The following SGSM3 variants were observed in gnomAD, a reference collection of about 807,000 sequenced individuals.
SGSM3 encodes small G protein signaling modulator 3.
A neutral mutation model predicts 100.5 loss-of-function variants in SGSM3; 96 were observed. The ratio of observed to expected loss-of-function variants is 0.96; its 90% CI spans 0.81 to 1.13. The LOEUF (loss-of-function observed/expected upper bound fraction) is 1.13, where lower values mean the gene tolerates loss of function less well. SGSM3 is among the 50% of genes most tolerant of loss of function. The pLI, the probability that SGSM3 is intolerant of heterozygous loss-of-function variation, is 0.00. For synonymous variants in SGSM3, 483 were observed against 422.8 expected, an observed-to-expected ratio of 1.14 and a Z score of -1.75; for missense variants, 1,001 against 1,015.8, an observed-to-expected ratio of 0.99 and a Z score of 0.20.
intron 1 of SGSM3, among the ~76,000 whole-genome samples, chr22:40,385,381 G>T (rs1364048786): frequency 6.6e-6 from 1 of 152,206 alleles, no homozygotes; most frequent in East Asian, 1.9e-4. Context: ...TTAATTCAGG[G>T]TTCAGGAGAT....
At chr22:40,400,646 A>AAAAAAT (rs1009414694) in intron 1 of SGSM3, 50 bp from the exon 2 acceptor site, 5 of 763,600 alleles carry the variant, frequency 6.5e-6, no homozygotes, top group East Asian at 3.0e-5. Context: ...TCTGTCTAAA[A>AAAAAAT]AAAAATAAAA....
intron 1 of SGSM3, among the ~76,000 whole-genome samples, chr22:40,396,154 A>G (rs1034212175): frequency 1.3e-5 from 2 of 152,118 alleles, no homozygotes; most frequent in Admixed American, 6.6e-5. Context: ...AGCCACATTA[A>G]TCTTTTTTTA....
intron 1 of SGSM3, among the ~76,000 whole-genome samples, chr22:40,381,236 C>G (rs2047520106): frequency 6.6e-6 from 1 of 151,974 alleles, no homozygotes; most frequent in Non-Finnish European, 1.5e-5. Flanking sequence ...CAACCTCCAC[C>G]TCCAGGGCTC....
intron 1 of SGSM3, chr22:40,387,290 A>G: frequency 2.5e-6 from 1 of 398,390 alleles, no homozygotes. Flanking sequence ...AATACTGTAT[A>G]TAGTGTAGTA....
rs1277590607 is a variant in SGSM3 at position 40,389,834 on chromosome 22, G to T, written c.-111-10862G>T. On this transcript the variant is annotated intron_variant, in intron 1 of 21. Coordinates refer to ENST00000248929, the MANE Select transcript of SGSM3 (RefSeq NM_015705.6). The stretch of plus-strand genomic sequence containing the variant: ...CAGGAGAATTGCCTGAACCTGGGAG[G>T]CGGAAGTTGCAGTGAGCCAGGATCG... Among the ~76,000 whole-genome samples, 10 of 150,966 alleles carry T rather than the reference G, an allele frequency of 6.6e-5. No individual in the cohort carries two copies. In the East Asian group the frequency reaches 1.9e-3, roughly 29 times the overall value.
Position 40,409,516 on chromosome 22 carries a change from G to C in SGSM3, c.2163G>C (p.Ala721=). The C allele has an allele frequency of 6.3e-7, 1 of 1,598,614 alleles. No individual in the cohort carries two copies. Among genetic ancestry groups the C allele is most frequent in the Non-Finnish European group, 8.5e-7 (1 of 1,172,624 alleles). The part of the protein sequence containing the change: ...FSLSQDWELP[A]KREAQQPLKE... ...TCTCCCAGGACTGGGAGCTCCCTGC[G>C]AAGAGAGAGGTGGGTGGTGTGGGCC... Residue 721 remains alanine (A), a synonymous_variant, in exon 21 of 22, where the codon GCG becomes GCC. Transcript: ENST00000248929.
At chr22:40,385,411 A>G (rs1447147204) in intron 1 of SGSM3, among the ~76,000 whole-genome samples, 1 of 152,222 alleles carries the variant, frequency 6.6e-6, no homozygotes, top group Non-Finnish European at 1.5e-5. Flanking sequence ...TGCAGTGGAC[A>G]CGAAGCCATT....
At chr22:40,386,025 G>GT (rs68008146) in intron 1 of SGSM3, among the ~76,000 whole-genome samples, 7,897 of 145,060 alleles carry the variant, frequency 0.054, 243 homozygotes, top group Non-Finnish European at 0.079. Flanking sequence ...CTAATTTTTT[G>GT]TTTTTTTTTT....
Position 40,407,943 on chromosome 22 carries a change from C to T in SGSM3, c.1579+100C>T, listed in dbSNP as rs766622074. 3 of 1,455,696 alleles carry T rather than the reference C, an allele frequency of 2.1e-6. No individual in the cohort carries two copies. Among genetic ancestry groups the T allele is most frequent in the African/African-American group, 1.4e-5 (1 of 71,524 alleles). 90.2% of individuals were successfully genotyped at this position (1,455,696 alleles called of 1,614,324 possible). A position where few individuals can be genotyped will look rare whatever the true frequency, so the allele number is the denominator to read the frequency against. ...CGCCACCAAGCTGTTCTCCTCTATACACCTGCCTGGCTTGAGGTCCCTGAA... is the reference window on the plus strand; with the variant it reads ...CGCCACCAAGCTGTTCTCCTCTATATACCTGCCTGGCTTGAGGTCCCTGAA... On this transcript the variant is annotated intron_variant, in intron 14 of 21. Transcript: ENST00000248929. This position sits in a 1 kb window ranked among gnomAD's most constrained non-coding sequence, Gnocchi z 4.7.
At chr22:40,402,103 G>C (rs2050832840) in intron 3 of SGSM3, 36 bp from the exon 4 acceptor site, 1 of 1,553,504 alleles carries the variant, frequency 6.4e-7, no homozygotes, top group South Asian at 1.1e-5. Flanking sequence ...CCAACTAGGG[G>C]ACAGGCAACT....
In SGSM3 at chr22:40,409,930, G is replaced by C. The variant is rs1021117604; in HGVS notation, c.*171G>C. On this transcript the variant is annotated 3_prime_UTR_variant, in exon 22 of 22. Coordinates refer to ENST00000248929, the MANE Select transcript of SGSM3 (RefSeq NM_015705.6). The stretch of plus-strand genomic sequence containing the variant: ...ACATCCCAGGTGGTGGGAGCAGAGG[G>C]TACCCTGCCCCACCAGGGTCCTTAG... The C allele has an allele frequency of 7.1e-7, 1 of 1,403,888 alleles. No homozygotes were observed. Among genetic ancestry groups the C allele is most frequent in the Non-Finnish European group, 9.2e-7 (1 of 1,085,562 alleles). 87.0% of individuals were successfully genotyped at this position (1,403,888 alleles called of 1,614,324 possible).
chr22:40,387,010 T>C (rs888815253), intron 1 of SGSM3, among the ~76,000 whole-genome samples: 1 of 152,168 alleles, frequency 6.6e-6, no homozygotes, highest in Non-Finnish European at 1.5e-5. Flanking sequence ...AGTCAAGATA[T>C]TTTGTTCCCG....
At chr22:40,385,122 G>A (rs977846380) in intron 1 of SGSM3, among the ~76,000 whole-genome samples, 1 of 152,222 alleles carries the variant, frequency 6.6e-6, no homozygotes, top group Non-Finnish European at 1.5e-5. Flanking sequence ...AGTCAGCAGA[G>A]TCTGATGCTT....
chr22:40,377,529 G>T (rs1395242169), intron 1 of SGSM3, among the ~76,000 whole-genome samples: 5 of 152,142 alleles, frequency 3.3e-5, no homozygotes, highest in Non-Finnish European at 7.4e-5. Context: ...ATGGCATGAG[G>T]TCATGTCATG....
At chr22:40,396,248 C>T (rs148327244) in intron 1 of SGSM3, among the ~76,000 whole-genome samples, 56 of 152,184 alleles carry the variant, frequency 3.7e-4, no homozygotes, top group African/African-American at 1.3e-3. Context: ...TCCTCTTCCC[C>T]TCCTCACAGA....
intron 1 of SGSM3, chr22:40,373,423 C>T (rs371102305): frequency 6.6e-6 from 1 of 152,222 alleles, no homozygotes; most frequent in Non-Finnish European, 1.5e-5. Flanking sequence ...CTTCTACCCT[C>T]AACTCTGTTG....
rs770878571 is a variant in SGSM3, at chr22:40,405,651, G to A, written c.621G>A (p.Val207=). The change falls in exon 8 of 22, where the codon GTG becomes GTA. Residue 207 remains valine, a splice_region_variant and synonymous_variant. Transcript: ENST00000248929. ...EIGYCQGTGM[V]AACLLLFLEE... ...CCTTGTCCCTGTGCCCTGGCCAGGT[G>A]GCCGCCTGCCTCCTGCTGTTCCTGG... 5.0e-6 allele frequency: 8 copies of A among 1,612,004 alleles called. No homozygotes were observed. In the African/African-American group the frequency reaches 9.3e-5, roughly 19 times the overall value.
At chr22:40,394,150 T>C (rs2049739666) in intron 1 of SGSM3, among the ~76,000 whole-genome samples, 1 of 152,236 alleles carries the variant, frequency 6.6e-6, no homozygotes. Flanking sequence ...TGCTGATGTT[T>C]CCAACGTTTA....
rs2051846934 is a variant in SGSM3 at position 40,407,891 on chromosome 22, G to C, written c.1579+48G>C. 1 of 1,559,062 alleles carries C rather than the reference G, an allele frequency of 6.4e-7. No individual in the cohort carries two copies. The highest frequency in any genetic ancestry group is 1.4e-5 in the African/African-American group (1 of 73,940). ...GAGCTGGGAGAGGGAGGAGGGGGTG[G>C]GCACAGAAGACTTGGGTGACCCTGG... On this transcript the variant is annotated intron_variant, in intron 14 of 21. Transcript: ENST00000248929. The surrounding 1 kb of genome is among the most constrained non-coding windows in gnomAD (Gnocchi z 4.7).
Sources: gnomAD v4.1 joint callset for allele counts (sites outside exome capture counted in the v4.1 genomes callset) on GRCh38, gnomAD v4.1.1 for gene constraint, Gnocchi (gnomAD v3.1) non-coding constraint, MANE v1.5 for transcripts, NCBI Gene and HGNC (gene_info 2026-07-23, HGNC 2026-07-21) for gene names.